Variants in ZNF503 observed in about 807,000 individuals in gnomAD.
ZNF503 encodes zinc finger protein 503.
In ZNF503, 15 loss-of-function variants were observed where a neutral mutation model predicts 34.4. The ratio of observed to expected loss-of-function variants is 0.44; its 90% CI spans 0.29 to 0.67. The LOEUF is 0.67. Among genes scored for constraint, ZNF503 ranks in the 30% least tolerant of loss-of-function variants. ZNF503 has a pLI of 0.13. For missense variants in ZNF503, 1,007 were observed against 926.8 expected (o/e 1.09, Z -1.12); for synonymous variants, 580 against 456.8 (o/e 1.27, Z -3.44).
the ZNF503 span, among the ~76,000 whole-genome samples, chr10:75,392,280 C>G: frequency 6.6e-6 from 1 of 152,228 alleles, no homozygotes; most frequent in Non-Finnish European, 1.5e-5. Context: ...TGGAGACAAG[C>G]TTCACAGAGG....
chr10:75,311,914 T>C, the ZNF503 span, among the ~76,000 whole-genome samples: 1 of 151,956 alleles, frequency 6.6e-6, no homozygotes, highest in African/African-American at 2.4e-5. Context: ...ATTTTTTTTT[T>C]TTGTATTTTT....
In ZNF503 at chr10:75,398,510, A is replaced by G. The variant is rs1843730834; in HGVS notation, c.*239T>C. On this transcript the variant is annotated 3_prime_UTR_variant, in exon 2 of 2. Coordinates refer to ENST00000372524, the MANE Select transcript of ZNF503 (RefSeq NM_032772.6). ...TTTTTTTTCTATAAAAAGTCAAATG[A>G]TATTTTTTCAACTTTTATAAAGTTT... is the stretch of plus-strand genomic sequence containing the variant. 1 of 391,708 alleles carries G rather than the reference A, an allele frequency of 2.6e-6. No homozygotes were observed. The highest frequency in any genetic ancestry group is 4.5e-6 in the Non-Finnish European group (1 of 223,062). The allele number at this position is 391,708 out of a possible 1,614,324, so 24.3% of individuals were successfully genotyped here.
the ZNF503 span, among the ~76,000 whole-genome samples, chr10:75,388,907 C>T: frequency 5.9e-5 from 9 of 152,138 alleles, no homozygotes; most frequent in African/African-American, 2.2e-4. Context: ...AATCTGCAGG[C>T]CCATGAACTA....
chr10:75,332,010 T>C, the ZNF503 span, among the ~76,000 whole-genome samples: 1 of 152,032 alleles, frequency 6.6e-6, no homozygotes, highest in Non-Finnish European at 1.5e-5. Context: ...CTGTTTTTCT[T>C]GGAATATCTT....
chr10:75,382,456 G>A, the ZNF503 span: 1 of 542,398 alleles, frequency 1.8e-6, no homozygotes, highest in Non-Finnish European at 3.4e-6. Context: ...CCTCCTCTCT[G>A]GCTGTGTGTC....
chr10:75,323,225 T>C, the ZNF503 span, among the ~76,000 whole-genome samples: 70 of 152,336 alleles, frequency 4.6e-4, 3 homozygotes, highest in African/African-American at 1.4e-3. Context: ...CTGAGCAGTG[T>C]TTAATTGTAT....
the ZNF503 span, among the ~76,000 whole-genome samples, chr10:75,348,328 C>T: frequency 6.6e-6 from 1 of 151,778 alleles, no homozygotes; most frequent in Non-Finnish European, 1.5e-5. Context: ...TCCCAAAGTG[C>T]TGGGATTACA....
the ZNF503 span, among the ~76,000 whole-genome samples, chr10:75,364,590 A>G: frequency 6.6e-6 from 1 of 152,160 alleles, no homozygotes; most frequent in African/African-American, 2.4e-5. Flanking sequence ...ATCCCCAGCA[A>G]AGTAATACAA....
At chr10:75,354,624 C>T in the ZNF503 span, among the ~76,000 whole-genome samples, 2 of 151,962 alleles carry the variant, frequency 1.3e-5, no homozygotes, top group Non-Finnish European at 2.9e-5. Flanking sequence ...GTGGGAGGAT[C>T]ACTTGAGCCC....
chr10:75,378,220 C>T, the ZNF503 span, among the ~76,000 whole-genome samples: 1 of 152,088 alleles, frequency 6.6e-6, no homozygotes, highest in Admixed American at 6.5e-5. Context: ...CAGATCCAAA[C>T]CATATCAGAC....
chr10:75,351,035 G>A, the ZNF503 span, among the ~76,000 whole-genome samples: 1 of 152,126 alleles, frequency 6.6e-6, no homozygotes, highest in Non-Finnish European at 1.5e-5. Context: ...CTTGTGGATG[G>A]GTATTCAGGT....
chr10:75,364,823 AC>A, the ZNF503 span, among the ~76,000 whole-genome samples: 1 of 152,382 alleles, frequency 6.6e-6, no homozygotes, highest in African/African-American at 2.4e-5. Flanking sequence ...AATGAAAAAA[AC>A]ATCTTGTGTG....
the ZNF503 span, among the ~76,000 whole-genome samples, chr10:75,294,878 T>C: frequency 6.7e-5 from 10 of 150,296 alleles, no homozygotes; most frequent in East Asian, 2.0e-3. Flanking sequence ...CGGGCCCGGG[T>C]TTTTCTGTCA....
chr10:75,347,363 C>T, the ZNF503 span, among the ~76,000 whole-genome samples: 29 of 148,090 alleles, frequency 2.0e-4, 2 homozygotes, highest in Non-Finnish European at 7.4e-5. Context: ...CTCATTAATC[C>T]CACATCCATC....
chr10:75,346,694 G>A, the ZNF503 span, among the ~76,000 whole-genome samples: 12 of 151,784 alleles, frequency 7.9e-5, no homozygotes, highest in South Asian at 6.3e-4. Context: ...TGCCCGCCTC[G>A]GCCTCCCAAA....
Position 75,399,420 on chromosome 10 carries a change from C to T in ZNF503, c.1270G>A (p.Ala424Thr). Residue 424 changes from alanine (A) to threonine (T), a missense_variant, in exon 2 of 2, where the codon GCC (alanine) becomes ACC (threonine). Physicochemically the swap from Ala to Thr is moderately conservative, Grantham distance 58 (BLOSUM62 0). Coordinates refer to ENST00000372524, the MANE Select transcript of ZNF503 (RefSeq NM_032772.6). Reference protein sequence around the residue: ...AGASPPSVMTASLCRDPYCLS... With the variant: ...AGASPPSVMTTSLCRDPYCLS... ...CAGTAAGGGTCCCGGCACAAACTGG[C>T]TGTCATCACGGACGGCGGAGACGCT... 1 of 1,603,090 alleles carries T rather than the reference C, an allele frequency of 6.2e-7. No homozygotes were observed. Among genetic ancestry groups the T allele is most frequent in the Non-Finnish European group, 8.5e-7 (1 of 1,178,178 alleles).
the ZNF503 span, among the ~76,000 whole-genome samples, chr10:75,354,597 C>A: frequency 6.6e-6 from 1 of 151,948 alleles, no homozygotes; most frequent in Admixed American, 6.6e-5. Flanking sequence ...TGCCTATAGT[C>A]CCAGTCCCAG....
rs769258576 is a variant in ZNF503, at chr10:75,400,029, G to C, written c.661C>G (p.Pro221Ala). The change falls in exon 2 of 2, where the codon CCA becomes GCA. Residue 221 changes from proline to alanine, a missense_variant. Physicochemically the swap from Pro to Ala is conservative, Grantham distance 27. Transcript: ENST00000372524. ...GGGCTGCCTGTCCTGGGCGTGAATG[G>C]CTGGCAGGTGGCGCTCGGTACCCGG... The part of the protein sequence containing the change: ...GFRVPSATCQ[P>A]FTPRTGSPSS... The C allele has an allele frequency of 6.2e-7, 1 of 1,601,722 alleles. No individual in the cohort carries two copies. Among genetic ancestry groups the C allele is most frequent in the Admixed American group, 1.7e-5 (1 of 59,392 alleles).
At chr10:75,348,947 G>C in the ZNF503 span, among the ~76,000 whole-genome samples, 2 of 151,910 alleles carry the variant, frequency 1.3e-5, no homozygotes, top group Non-Finnish European at 2.9e-5. Context: ...AGTCGTTAAC[G>C]TTTTGCTATA....
Sources: allele counts gnomAD v4.1 joint callset (sites outside exome capture counted in the v4.1 genomes callset), GRCh38; gene constraint gnomAD v4.1.1; transcripts MANE v1.5; gene names NCBI Gene and HGNC (gene_info 2026-07-23, HGNC 2026-07-21).